Variants in CAMTA1 observed in about 807,000 individuals in gnomAD.
CAMTA1 encodes calmodulin-binding transcription activator 1.
Under a neutral mutation model 170.9 loss-of-function variants are expected in CAMTA1, and 27 were observed. That is an observed-to-expected ratio of 0.16 (90% confidence interval 0.12 to 0.22). The LOEUF is 0.22. Among genes scored for constraint, CAMTA1 ranks in the 10% least tolerant of loss-of-function variants. The pLI, the probability that CAMTA1 is intolerant of heterozygous loss-of-function variation, is 1.00. For synonymous variants in CAMTA1, 833 were observed against 891.5 expected, an observed-to-expected ratio of 0.93 and a Z score of 1.17; for missense variants, 1,619 against 2,217.2, an observed-to-expected ratio of 0.73 and a Z score of 5.42.
chr1:7,052,502 C>G (rs1443302069), intron 3 of CAMTA1, among the ~76,000 whole-genome samples: 1 of 152,184 alleles, frequency 6.6e-6, no homozygotes, highest in Non-Finnish European at 1.5e-5. Flanking sequence ...CAGGGACCCT[C>G]GGTGTCTTTG....
chr1:7,543,409 C>A (rs2094642135), intron 6 of CAMTA1, among the ~76,000 whole-genome samples: 1 of 152,014 alleles, frequency 6.6e-6, no homozygotes, highest in South Asian at 2.1e-4. Flanking sequence ...CAGCATTTAC[C>A]CCGAGATAGC....
chr1:7,385,063 C>T (rs1030611610), intron 5 of CAMTA1, among the ~76,000 whole-genome samples: 2 of 151,550 alleles, frequency 1.3e-5, no homozygotes, highest in African/African-American at 4.9e-5. Flanking sequence ...CCTCCTATGC[C>T]CCCTGCCCAT....
chr1:7,632,875 C>T lies in CAMTA1; in HGVS notation c.511-7525C>T, dbSNP rs567389888. ...CACGCCCAGGCGTGGGCTCAGCATG[C>T]GGGAGGTGCAGAGCTCAGCTCCCCT... On this transcript the variant is annotated intron_variant, in intron 6 of 22. Coordinates refer to ENST00000303635, the MANE Select transcript of CAMTA1 (RefSeq NM_015215.4). Among the ~76,000 whole-genome samples, 782 of 152,360 alleles carry T rather than the reference C, an allele frequency of 5.1e-3. 3 individuals are homozygous for T. The highest frequency in any genetic ancestry group is 6.8e-3 in the Non-Finnish European group (465 of 68,028).
In CAMTA1 at chr1:7,593,144, G is replaced by A. The variant is rs187516988; in HGVS notation, c.511-47256G>A. Reference sequence around the variant, plus strand: ...GCCTGAAAGCAGCCAGAGATGGCTCGGTAAAGGTCCGGGTTTTGCCAGTCA... The same window carrying A: ...GCCTGAAAGCAGCCAGAGATGGCTCAGTAAAGGTCCGGGTTTTGCCAGTCA... On this transcript the variant is annotated intron_variant, in intron 6 of 22. Transcript: ENST00000303635. Among the ~76,000 whole-genome samples the A allele has an allele frequency of 9.2e-5, 14 of 152,300 alleles. 1 individual carries two copies. The highest frequency in any genetic ancestry group is 4.1e-4 in the South Asian group (2 of 4,824).
rs990045572 is a variant in CAMTA1, at chr1:7,248,193, A to G, written c.303-1298A>G. 6.6e-6 allele frequency among the ~76,000 whole-genome samples: 1 copy of G among 152,276 alleles called. No individual in the cohort carries two copies. The highest frequency in any genetic ancestry group is 2.4e-5 in the African/African-American group (1 of 41,558). ...TAGAATATGAAGCCATCAACAGCCAATGTTCTGTGCTGCTTGTGAAATGGC... is the reference window on the plus strand; with the variant it reads ...TAGAATATGAAGCCATCAACAGCCAGTGTTCTGTGCTGCTTGTGAAATGGC... On this transcript the variant is annotated intron_variant, in intron 4 of 22. Transcript: ENST00000303635. This position sits in a 1 kb window ranked among gnomAD's most constrained non-coding sequence, Gnocchi z 4.0.
At chr1:7,756,897 C>A (rs1410516755) in intron 22 of CAMTA1, among the ~76,000 whole-genome samples, 2 of 152,068 alleles carry the variant, frequency 1.3e-5, no homozygotes, top group Admixed American at 6.6e-5. Context: ...TAGAATTCAT[C>A]AAAATTTAAT....
intron 7 of CAMTA1, among the ~76,000 whole-genome samples, chr1:7,654,434 C>G (rs893122393): frequency 2.0e-5 from 3 of 151,732 alleles, no homozygotes; most frequent in African/African-American, 7.3e-5. Flanking sequence ...GAGAGGCATT[C>G]TGGAAAGCCC....
At chr1:6,998,612 TG>T (rs756123704) in intron 3 of CAMTA1, among the ~76,000 whole-genome samples, 4 of 152,256 alleles carry the variant, frequency 2.6e-5, no homozygotes, top group Non-Finnish European at 4.4e-5. Context: ...TAGCACCGTC[TG>T]GTGCACCTTG....
intron 5 of CAMTA1, among the ~76,000 whole-genome samples, chr1:7,396,836 G>A (rs1451939086): frequency 2.6e-5 from 4 of 152,130 alleles, no homozygotes; most frequent in Non-Finnish European, 4.4e-5. Flanking sequence ...TGCATCCCTG[G>A]GATGAGTACC....
At chr1:7,605,457 C>G (rs1416777794) in intron 6 of CAMTA1, among the ~76,000 whole-genome samples, 2 of 152,360 alleles carry the variant, frequency 1.3e-5, no homozygotes, top group Non-Finnish European at 2.9e-5. Context: ...ATGAGCGAGG[C>G]TCTGTGGGCG....
chr1:7,500,104 A>AG (rs2093964952), intron 6 of CAMTA1, among the ~76,000 whole-genome samples: 9 of 122,370 alleles, frequency 7.4e-5, no homozygotes, highest in South Asian at 3.0e-4. Flanking sequence ...AGTGTGTAGA[A>AG]GATTGTGTGA....
intron 3 of CAMTA1, among the ~76,000 whole-genome samples, chr1:6,840,752 A>G (rs1655337921): frequency 1.3e-5 from 2 of 152,206 alleles, no homozygotes; most frequent in Admixed American, 1.3e-4. Flanking sequence ...AAGGGAGACT[A>G]AGCCCCGAGC....
At position 7,745,919 on chromosome 1, in the gene CAMTA1, T is replaced by A. The variant is rs1296690897; in HGVS notation, c.4445T>A (p.Ile1482Asn). Residue 1482 changes from isoleucine to asparagine, a missense_variant, in exon 18 of 23, where the codon ATC (isoleucine) becomes AAC (asparagine). Transcript: ENST00000303635. Reference sequence around the variant, plus strand: ...CCTGTTGGCTCTCCCGTCAGTGAAATCGCTTTCGAGAAACCTAACCTTCCC... The same window carrying A: ...CCTGTTGGCTCTCCCGTCAGTGAAAACGCTTTCGAGAAACCTAACCTTCCC... ...LSPVGSPVSE[I>N]AFEKPNLPSA... The A allele has an allele frequency of 6.2e-7, 1 of 1,614,200 alleles. No homozygotes were observed. The highest frequency in any genetic ancestry group is 8.5e-7 in the Non-Finnish European group (1 of 1,180,034).
chr1:7,713,848 T>C (rs1300156728), intron 11 of CAMTA1, among the ~76,000 whole-genome samples: 2 of 152,216 alleles, frequency 1.3e-5, no homozygotes, highest in Non-Finnish European at 2.9e-5. Context: ...TGTTAAGGGC[T>C]CTTTTCTAAC....
intron 6 of CAMTA1, among the ~76,000 whole-genome samples, chr1:7,579,562 T>C (rs572844739): frequency 2.9e-5 from 4 of 135,616 alleles, no homozygotes; most frequent in Non-Finnish European, 4.7e-5. Context: ...CTTTTTTTTT[T>C]TTTTTTTTTT....
At chr1:7,428,804 A>G (rs2092005151) in intron 5 of CAMTA1, among the ~76,000 whole-genome samples, 2 of 150,260 alleles carry the variant, frequency 1.3e-5, no homozygotes, top group Non-Finnish European at 3.0e-5. Flanking sequence ...TGGCCTTTGC[A>G]TATTGGTTTC....
chr1:6,855,348 T>A (rs1295779681), intron 3 of CAMTA1, among the ~76,000 whole-genome samples: 1 of 151,438 alleles, frequency 6.6e-6, no homozygotes, highest in East Asian at 2.0e-4. Flanking sequence ...CCACAGGCGG[T>A]TCAGGAAGCA....
chr1:6,973,551 C>T (rs1004550609), intron 3 of CAMTA1, among the ~76,000 whole-genome samples: 2 of 152,190 alleles, frequency 1.3e-5, no homozygotes, highest in African/African-American at 2.4e-5. Flanking sequence ...GTGGTTTCCA[C>T]GTTTGGGCTT....
intron 4 of CAMTA1, among the ~76,000 whole-genome samples, chr1:7,114,415 C>T (rs1456738455): frequency 7.1e-6 from 1 of 140,244 alleles, no homozygotes; most frequent in Non-Finnish European, 1.5e-5. Flanking sequence ...TTGGGCCACA[C>T]ATAAAATAGT....
Sources: allele counts gnomAD v4.1 joint callset (sites outside exome capture counted in the v4.1 genomes callset), GRCh38; gene constraint gnomAD v4.1.1; non-coding constraint Gnocchi (gnomAD v3.1); transcripts MANE v1.5; gene names NCBI Gene and HGNC (gene_info 2026-07-23, HGNC 2026-07-21).